The following C4BPA variants were observed in gnomAD, a reference collection of about 807,000 sequenced individuals.
The protein encoded by C4BPA is complement component 4 binding protein alpha.
A neutral mutation model predicts 63.7 loss-of-function variants in C4BPA; 31 were observed. The ratio of observed to expected loss-of-function variants is 0.49; its 90% CI spans 0.37 to 0.66. The LOEUF (loss-of-function observed/expected upper bound fraction) is 0.66, where lower values mean the gene tolerates loss of function less well. Among genes scored for constraint, C4BPA ranks in the 30% least tolerant of loss-of-function variants. The pLI is 0.00. For synonymous variants in C4BPA, 259 were observed against 254.7 expected (o/e 1.02, Z -0.16); for missense variants, 572 against 723.3 (o/e 0.79, Z 2.40).
intron 9 of C4BPA, among the ~76,000 whole-genome samples, chr1:207,139,603 G>A (rs1205735223): frequency 2.6e-5 from 4 of 152,122 alleles, no homozygotes; most frequent in African/African-American, 9.7e-5. Flanking sequence ...CTGACTATAC[G>A]TTCAAGGATA....
rs971395880 is a variant in C4BPA at position 207,104,374 on chromosome 1, T to C, written c.-82T>C. The stretch of plus-strand genomic sequence containing the variant: ...CATAGATCAAGGCAGTTTTCTTCTT[T>C]GAGAAACTATCCCAGATATCATCAT... On this transcript the variant is annotated 5_prime_UTR_variant, in exon 1 of 12. The change abolishes the stop of an existing upstream ORF in the 5' untranslated region. Coordinates refer to ENST00000367070, the MANE Select transcript of C4BPA (RefSeq NM_000715.4). 1.3e-5 allele frequency: 2 copies of C among 152,224 alleles called. No individual in the cohort carries two copies. The highest frequency in any genetic ancestry group is 2.9e-5 in the Non-Finnish European group (2 of 68,042). The allele number at this position is 152,224 out of a possible 1,614,324, so 9.4% of individuals were successfully genotyped here.
chr1:207,144,893 T>A lies in C4BPA; in HGVS notation c.*176T>A. The A allele has an allele frequency of 2.6e-6, 1 of 384,206 alleles. No individual in the cohort carries two copies. The highest frequency in any genetic ancestry group is 4.5e-6 in the Non-Finnish European group (1 of 221,084). The allele number at this position is 384,206 out of a possible 1,614,324, so 23.8% of individuals were successfully genotyped here. ...GAGATTGTGAAATTATTAATCATCC[T>A]CTGTGTGGCTCATGTTTTTGCTTTT... On this transcript the variant is annotated 3_prime_UTR_variant, in exon 12 of 12. Coordinates refer to ENST00000367070, the MANE Select transcript of C4BPA (RefSeq NM_000715.4).
chr1:207,139,539 C>T (rs1020828512), intron 9 of C4BPA, among the ~76,000 whole-genome samples: 2 of 152,094 alleles, frequency 1.3e-5, no homozygotes, highest in South Asian at 2.1e-4. Flanking sequence ...GGCTCTTACC[C>T]CGCAGGTCAA....
At chr1:207,141,631 C>T (rs955556815) in intron 10 of C4BPA, among the ~76,000 whole-genome samples, 3 of 152,252 alleles carry the variant, frequency 2.0e-5, no homozygotes, top group Non-Finnish European at 4.4e-5. Context: ...TATAGGCTCC[C>T]CTGAGTGAAT....
At chr1:207,116,283 G>A (rs1363481673) in intron 4 of C4BPA, among the ~76,000 whole-genome samples, 2 of 152,094 alleles carry the variant, frequency 1.3e-5, no homozygotes, top group Non-Finnish European at 2.9e-5. Flanking sequence ...CTTATTGTCA[G>A]GGAGGTTAAG....
At chr1:207,133,660 G>C (rs569164245) in intron 8 of C4BPA, among the ~76,000 whole-genome samples, 1 of 152,258 alleles carries the variant, frequency 6.6e-6, no homozygotes, top group South Asian at 2.1e-4. Flanking sequence ...CTACTCAGGA[G>C]GCTTAGGTGG....
intron 7 of C4BPA, among the ~76,000 whole-genome samples, chr1:207,129,380 G>A (rs1472400894): frequency 7.2e-6 from 1 of 138,410 alleles, no homozygotes; most frequent in Non-Finnish European, 1.5e-5. Flanking sequence ...CCTATACAAA[G>A]GAAAAATGGC....
In C4BPA at chr1:207,134,528, T is replaced by C. The variant is rs981577801; in HGVS notation, c.1209T>C (p.Ser403=). Reference sequence around the variant, plus strand: ...TTTCATTTTCATGTCATGAGACCAGTAGGTTTTCAGCTATATGCCAAGGAG... The same window carrying C: ...TTTCATTTTCATGTCATGAGACCAGCAGGTTTTCAGCTATATGCCAAGGAG... The part of the protein sequence containing the change: ...DEISFSCHET[S]RFSAICQGDG... The change falls in exon 9 of 12, where the codon AGT becomes AGC. Residue 403 remains serine, a synonymous_variant. Transcript: ENST00000367070. 1.9e-6 allele frequency: 3 copies of C among 1,613,910 alleles called. No individual in the cohort carries two copies. The highest frequency in any genetic ancestry group is 1.1e-5 in the South Asian group (1 of 91,074).
intron 11 of C4BPA, among the ~76,000 whole-genome samples, chr1:207,144,315 A>G (rs1390360234): frequency 6.6e-6 from 1 of 152,162 alleles, no homozygotes; most frequent in East Asian, 1.9e-4. Context: ...GTCAGCAAAA[A>G]CAGCCTCTGT....
chr1:207,136,823 G>T (rs958755079), intron 9 of C4BPA, among the ~76,000 whole-genome samples: 1 of 152,072 alleles, frequency 6.6e-6, no homozygotes, highest in Non-Finnish European at 1.5e-5. Flanking sequence ...AGATTGCTCT[G>T]GGAACAGTAC....
chr1:207,141,355 T>A, intron 10 of C4BPA, 79 bp downstream of exon 10: 1 of 1,064,536 alleles, frequency 9.4e-7, no homozygotes, highest in African/African-American at 1.6e-5. Flanking sequence ...GTTTCTTCCC[T>A]GTCAGAGGCA....
At chr1:207,127,760 T>C (rs1322572042) in intron 7 of C4BPA, among the ~76,000 whole-genome samples, 2 of 152,020 alleles carry the variant, frequency 1.3e-5, no homozygotes, top group African/African-American at 4.8e-5. Context: ...TCAGCAAAAA[T>C]ATGGAGACTT....
chr1:207,116,059 C>T (rs1684779082), intron 4 of C4BPA, among the ~76,000 whole-genome samples: 1 of 152,210 alleles, frequency 6.6e-6, no homozygotes, highest in South Asian at 2.1e-4. Context: ...GGAGGCCTTT[C>T]TGGCTCAAAG....
chr1:207,127,981 T>A (rs1271641351), intron 7 of C4BPA, among the ~76,000 whole-genome samples: 2 of 152,158 alleles, frequency 1.3e-5, no homozygotes, highest in African/African-American at 4.8e-5. Context: ...AAGTCGAATA[T>A]TGAATCGGTG....
At chr1:207,143,781 G>A in intron 10 of C4BPA, 37 bp from the exon 11 acceptor site, 1 of 1,448,022 alleles carries the variant, frequency 6.9e-7, no homozygotes, top group Non-Finnish European at 9.7e-7. Context: ...CTTCTTCATA[G>A]ATTTACAGAT....
intron 1 of C4BPA, among the ~76,000 whole-genome samples, chr1:207,105,629 T>C (rs1684545123): frequency 6.6e-6 from 1 of 151,240 alleles, no homozygotes; most frequent in African/African-American, 2.4e-5. Context: ...CAGTTCTTTC[T>C]GGAGTTTGTA....
chr1:207,132,382 A>C (rs1685179350), intron 8 of C4BPA, among the ~76,000 whole-genome samples: 1 of 152,228 alleles, frequency 6.6e-6, no homozygotes, highest in African/African-American at 2.4e-5. Context: ...AACAGACAAG[A>C]GAGGAAGAAA....
chr1:207,128,366 T>C, intron 7 of C4BPA, among the ~76,000 whole-genome samples: 1 of 152,202 alleles, frequency 6.6e-6, no homozygotes, highest in East Asian at 1.9e-4. Flanking sequence ...TGGGAAAGAA[T>C]GAGTTTTCTA....
chr1:207,114,152 G>A lies in C4BPA; in HGVS notation c.195G>A (p.Thr65=), dbSNP rs750438201. The A allele has an allele frequency of 3.3e-5, 54 of 1,613,582 alleles. No homozygotes were observed. The highest frequency in any genetic ancestry group is 5.5e-5 in the South Asian group (5 of 91,080). ...TLSFAAPMDI[T]LTETRFKTGT... The stretch of plus-strand genomic sequence containing the variant: ...CATTTGCTGCCCCGATGGATATTAC[G>A]TTGACTGAGACACGCTTCAAAACTG... Residue 65 remains threonine, a synonymous_variant, in exon 3 of 12, where the codon ACG becomes ACA. Transcript: ENST00000367070.
Sources: allele counts gnomAD v4.1 joint callset (sites outside exome capture counted in the v4.1 genomes callset), GRCh38; gene constraint gnomAD v4.1.1; transcripts MANE v1.5; gene names NCBI Gene and HGNC (gene_info 2026-07-23, HGNC 2026-07-21).